The following INSL6 variants were observed in gnomAD, a reference collection of about 807,000 sequenced individuals.
The protein encoded by INSL6 is insulin like 6.
In INSL6, 16 loss-of-function variants were observed where a neutral mutation model predicts 9.4. The ratio of observed to expected loss-of-function variants is 1.70; its 90% CI spans 1.15 to 2.59. INSL6 has a LOEUF of 2.59. Among genes scored for constraint, INSL6 ranks in the 30% most tolerant of loss-of-function variants. The pLI is 0.00. For synonymous variants in INSL6, 154 were observed against 96.9 expected, an observed-to-expected ratio of 1.59 and a Z score of -3.46; for missense variants, 391 against 257.3, an observed-to-expected ratio of 1.52 and a Z score of -3.56.
At chr9:4,997,655 G>A in the INSL6 span, among the ~76,000 whole-genome samples, 1 of 152,166 alleles carries the variant, frequency 6.6e-6, no homozygotes, top group Non-Finnish European at 1.5e-5. Flanking sequence ...TATCAACCTT[G>A]CTGTACCCCT....
chr9:5,165,314 C>T (rs1157867764), intron 1 of INSL6, among the ~76,000 whole-genome samples: 1 of 152,194 alleles, frequency 6.6e-6, no homozygotes, highest in South Asian at 2.1e-4. Context: ...GGATGGAACA[C>T]TGCATGATAT....
the INSL6 span, among the ~76,000 whole-genome samples, chr9:5,020,180 T>C: frequency 6.6e-6 from 1 of 152,080 alleles, no homozygotes; most frequent in Admixed American, 6.5e-5. Flanking sequence ...GTGACGGCGA[T>C]TGGCTGGGTA....
At chr9:5,163,430 C>T (rs568739142), downstream of INSL6, among the ~76,000 whole-genome samples, 2 of 152,112 alleles carry the variant, frequency 1.3e-5, no homozygotes, top group Non-Finnish European at 2.9e-5. Context: ...TATAATAAAA[C>T]TCAAGGAATT....
At chr9:5,122,829 C>G (rs1823713844), downstream of INSL6, among the ~76,000 whole-genome samples, 1 of 149,264 alleles carries the variant, frequency 6.7e-6, no homozygotes, top group African/African-American at 2.5e-5. Context: ...CTCCTGAAAT[C>G]TAAGTTCACA....
chr9:5,106,149 G>C, the INSL6 span, among the ~76,000 whole-genome samples: 1 of 152,046 alleles, frequency 6.6e-6, no homozygotes, highest in Admixed American at 6.6e-5. Context: ...GAAAATTTTT[G>C]CAATCTACCC....
the INSL6 span, among the ~76,000 whole-genome samples, chr9:5,012,899 T>C: frequency 6.6e-6 from 1 of 152,104 alleles, no homozygotes; most frequent in Non-Finnish European, 1.5e-5. Flanking sequence ...GGAGGCAAAG[T>C]AGACTTAGGG....
the INSL6 span, chr9:5,073,745 T>A: frequency 9.9e-6 from 16 of 1,612,586 alleles, no homozygotes; most frequent in Non-Finnish European, 1.4e-5. Flanking sequence ...CTCACAAGCA[T>A]TTGGTTTTAA....
chr9:5,044,009 T>G, the INSL6 span, among the ~76,000 whole-genome samples: 1 of 152,248 alleles, frequency 6.6e-6, no homozygotes, highest in Non-Finnish European at 1.5e-5. Flanking sequence ...TTTGTTTCTC[T>G]GAAGGACAAG....
intron 2 of INSL6, among the ~76,000 whole-genome samples, chr9:5,150,481 C>T (rs1824688108): frequency 6.6e-6 from 1 of 152,124 alleles, no homozygotes; most frequent in African/African-American, 2.4e-5. Context: ...AAATGCTCAA[C>T]ATCACTGATG....
chr9:5,109,956 A>G, the INSL6 span: 1 of 152,200 alleles, frequency 6.6e-6, no homozygotes, highest in Non-Finnish European at 1.5e-5. Flanking sequence ...AGCAGATGCT[A>G]ATACAGCAGC....
intron 1 of INSL6, among the ~76,000 whole-genome samples, chr9:5,166,823 A>G (rs1825063521): frequency 6.6e-6 from 1 of 152,234 alleles, no homozygotes; most frequent in South Asian, 2.1e-4. Flanking sequence ...TTCCAAAACT[A>G]GGTAAGAACA....
the INSL6 span, among the ~76,000 whole-genome samples, chr9:5,030,841 G>T: frequency 6.6e-6 from 1 of 151,846 alleles, no homozygotes; most frequent in African/African-American, 2.4e-5. Flanking sequence ...AATTTGCACT[G>T]AGTTCAAAAA....
chr9:5,086,009 T>C, the INSL6 span: 25 of 822,220 alleles, frequency 3.0e-5, no homozygotes, highest in East Asian at 3.4e-4. Flanking sequence ...GAAACTGTGA[T>C]ATACTATATA....
chr9:5,007,094 T>G, the INSL6 span, among the ~76,000 whole-genome samples: 1 of 152,142 alleles, frequency 6.6e-6, no homozygotes, highest in Non-Finnish European at 1.5e-5. Context: ...ACTTTGCTTT[T>G]CTTTATTTTA....
At chr9:5,048,426 C>G in the INSL6 span, among the ~76,000 whole-genome samples, 1 of 152,178 alleles carries the variant, frequency 6.6e-6, no homozygotes. Flanking sequence ...CAGGTGTGAG[C>G]CACTGCACCC....
At chr9:5,054,523 G>C in the INSL6 span, 1 of 1,462,350 alleles carries the variant, frequency 6.8e-7, no homozygotes, top group Non-Finnish European at 9.2e-7. The surrounding 1 kb of genome is among the most constrained non-coding windows in gnomAD (Gnocchi z 4.9). Flanking sequence ...TCCAATTTTT[G>C]TTTTGTTTTG....
At chr9:5,031,864 A>G in the INSL6 span, among the ~76,000 whole-genome samples, 1 of 152,194 alleles carries the variant, frequency 6.6e-6, no homozygotes, top group Non-Finnish European at 1.5e-5. Context: ...TGCATTTCCA[A>G]CTGAGGTGTA....
the INSL6 span, among the ~76,000 whole-genome samples, chr9:5,082,871 C>T: frequency 0.01 from 1,558 of 152,310 alleles, 66 homozygotes; most frequent in East Asian, 0.092. Flanking sequence ...CAGGTTGGGG[C>T]AAAGTTACAG....
chr9:5,097,347 T>G, the INSL6 span: 2 of 152,190 alleles, frequency 1.3e-5, no homozygotes, highest in African/African-American at 4.8e-5. Context: ...CTATCTTATA[T>G]CAACATTTAT....
Sources: gnomAD v4.1 joint callset for allele counts (sites outside exome capture counted in the v4.1 genomes callset) on GRCh38, gnomAD v4.1.1 for gene constraint, Gnocchi (gnomAD v3.1) non-coding constraint, MANE v1.5 for transcripts, NCBI Gene and HGNC (gene_info 2026-07-23, HGNC 2026-07-21) for gene names.